RAB33A: variants seen among roughly 807,000 people sequenced by gnomAD.
RAB33A encodes the protein RAB33A, member RAS oncogene family.
A neutral mutation model predicts 12.0 loss-of-function variants in RAB33A; 6 were observed. That is an observed-to-expected ratio of 0.50 (90% CI 0.27 to 0.99). The LOEUF (loss-of-function observed/expected upper bound fraction) is 0.99, where lower values mean the gene tolerates loss of function less well. Among genes scored for constraint, RAB33A ranks in the 50% least tolerant of loss-of-function variants. RAB33A has a pLI of 0.11. For missense variants in RAB33A, 109 were observed against 192.0 expected (o/e 0.57, Z 2.55); for synonymous variants, 70 against 82.4 (o/e 0.85, Z 0.81).
intron 1 of RAB33A, among the ~76,000 whole-genome samples, chrX:130,172,879 G>C (rs990658045): frequency 8.9e-6 from 1 of 112,324 alleles, no homozygotes; most frequent in Admixed American, 9.4e-5. Flanking sequence ...CGGTGGAGTG[G>C]GGTGGTTCTG....
chrX:130,165,296 A>T, the RAB33A span, among the ~76,000 whole-genome samples: 1 of 111,160 alleles, frequency 9.0e-6, no homozygotes, highest in Non-Finnish European at 1.9e-5. Context: ...TTGTTCTGGG[A>T]TCCCTGAACA....
the RAB33A span, among the ~76,000 whole-genome samples, chrX:130,120,685 T>A: frequency 8.9e-6 from 1 of 112,353 alleles, no homozygotes; most frequent in African/African-American, 3.2e-5. Flanking sequence ...CTGATCTCCG[T>A]ACTCTCCCGC....
chrX:130,131,877 A>ATTT, the RAB33A span: 6 of 934,835 alleles, frequency 6.4e-6, no homozygotes, highest in South Asian at 2.3e-5. Context: ...ATGACACTGC[A>ATTT]TTTTTTTTTT....
the RAB33A span, chrX:130,155,087 T>A: frequency 8.8e-7 from 1 of 1,141,643 alleles, no homozygotes; most frequent in South Asian, 1.8e-5. Context: ...TTCTAATGTA[T>A]CAAGTTTTCA....
At chrX:130,166,681 T>C in the RAB33A span, among the ~76,000 whole-genome samples, 1 of 112,430 alleles carries the variant, frequency 8.9e-6, no homozygotes, top group Non-Finnish European at 1.9e-5. Flanking sequence ...ACTTACCTCT[T>C]GGATTGTACT....
At chrX:130,147,546 G>A in the RAB33A span, 26 of 1,210,338 alleles carry the variant, frequency 2.1e-5, no homozygotes, top group South Asian at 4.4e-4. Flanking sequence ...TGACATTTGG[G>A]TCATCTGAAA....
chrX:130,178,533 G>A (rs1327029667), intron 1 of RAB33A, among the ~76,000 whole-genome samples: 1 of 109,789 alleles, frequency 9.1e-6, no homozygotes, highest in African/African-American at 3.3e-5. Flanking sequence ...GGAGGCCAAG[G>A]TGGGAGGATC....
At position 130,184,344 on chromosome X, in the gene RAB33A, C is replaced by T. The variant is rs2031763069; in HGVS notation, c.318C>T (p.Tyr106=). The change falls in exon 2 of 2, where the codon TAC becomes TAT. Residue 106 remains tyrosine (Y), a synonymous_variant. Coordinates refer to ENST00000257017, the MANE Select transcript of RAB33A (RefSeq NM_004794.3). ...TCCGCAAAAGCATGGTCGAGCATTA[C>T]TACCGCAACGTACATGCCGTGGTCT... ...ERFRKSMVEH[Y]YRNVHAVVFV... is the part of the protein sequence containing the mutation. 2 of 1,210,703 alleles carry T rather than the reference C, an allele frequency of 1.7e-6. No homozygotes were observed. Among genetic ancestry groups the T allele is most frequent in the Non-Finnish European group, 2.2e-6 (2 of 895,398 alleles).
the RAB33A span, among the ~76,000 whole-genome samples, chrX:130,128,574 AAAT>A: frequency 8.9e-6 from 1 of 112,257 alleles, no homozygotes; most frequent in African/African-American, 3.2e-5. Flanking sequence ...CTCCATCTCA[AAAT>A]AATAATAATA....
chrX:130,169,194 C>T (rs763153589), upstream of RAB33A, among the ~76,000 whole-genome samples: 1 of 88,295 alleles, frequency 1.1e-5, no homozygotes, highest in African/African-American at 4.6e-5. Flanking sequence ...GGTGACAGAG[C>T]GAGACTCCAT....
chrX:130,149,001 A>C, the RAB33A span, among the ~76,000 whole-genome samples: 1 of 98,357 alleles, frequency 1.0e-5, no homozygotes, highest in Non-Finnish European at 2.0e-5. Context: ...GGCTCACTGC[A>C]ACCTCCGCCA....
chrX:130,181,007 C>CAAAAAAAAAAAAAAA (rs60085312), intron 1 of RAB33A, among the ~76,000 whole-genome samples: 3 of 8,129 alleles, frequency 3.7e-4, no homozygotes, highest in African/African-American at 1.0e-3. Flanking sequence ...CAGTCCATCT[C>CAAAAAAAAAAAAAAA]AAAAAAAAAA....
At chrX:130,149,455 A>AAGGGAGT in the RAB33A span, 1 of 1,184,348 alleles carries the variant, frequency 8.4e-7, no homozygotes, top group Admixed American at 2.2e-5. Context: ...AGCAAGACTT[A>AAGGGAGT]AGGGAATACT....
chrX:130,184,213 C>A, intron 1 of RAB33A, 72 bp from the exon 2 acceptor site: 1 of 1,002,137 alleles, frequency 1.0e-6, no homozygotes, highest in Non-Finnish European at 1.4e-6. Flanking sequence ...TATAGTGCTA[C>A]AGAACCATGT....
At chrX:130,154,219 T>A in the RAB33A span, among the ~76,000 whole-genome samples, 1 of 112,119 alleles carries the variant, frequency 8.9e-6, no homozygotes, top group African/African-American at 3.2e-5. Flanking sequence ...GAGGAACTTG[T>A]GCTTCTTAGA....
At chrX:130,136,577 TA>T in the RAB33A span, 1 of 993,255 alleles carries the variant, frequency 1.0e-6, no homozygotes, top group Non-Finnish European at 1.4e-6. Context: ...AATGAAGGAG[TA>T]AAAATGAGGC....
the RAB33A span, chrX:130,137,482 G>A: frequency 3.4e-6 from 4 of 1,165,614 alleles, no homozygotes. Context: ...TGCAACCTCT[G>A]AATAGGAAGC....
chrX:130,125,557 G>T, the RAB33A span, among the ~76,000 whole-genome samples: 1 of 110,821 alleles, frequency 9.0e-6, no homozygotes, highest in Non-Finnish European at 1.9e-5. Flanking sequence ...CAGCAAGGGT[G>T]CCTGGCTTTA....
At chrX:130,135,180 T>C in the RAB33A span, among the ~76,000 whole-genome samples, 4 of 108,777 alleles carry the variant, frequency 3.7e-5, no homozygotes, top group Non-Finnish European at 7.6e-5. Flanking sequence ...CCTCCTTAGT[T>C]CAAGTGATTC....
Sources: gnomAD v4.1 joint callset for allele counts (sites outside exome capture counted in the v4.1 genomes callset) on GRCh38, gnomAD v4.1.1 for gene constraint, MANE v1.5 for transcripts, NCBI Gene and HGNC (gene_info 2026-07-23, HGNC 2026-07-21) for gene names.